SND1: variants seen among roughly 807,000 people sequenced by gnomAD.
The protein encoded by SND1 is staphylococcal nuclease and tudor domain containing 1, also known as staphylococcal nuclease domain-containing protein 1.
A neutral mutation model predicts 121.7 loss-of-function variants in SND1; 38 were observed. The ratio of observed to expected loss-of-function variants is 0.31; its 90% CI spans 0.24 to 0.41. The LOEUF is 0.41. Ranked by LOEUF, SND1 falls within the 10% of genes least tolerant of loss-of-function variation. The pLI, the probability that SND1 is intolerant of heterozygous loss-of-function variation, is 1.00. For synonymous variants in SND1, 401 were observed against 447.4 expected (o/e 0.90, Z 1.31); for missense variants, 868 against 1,184.6 (o/e 0.73, Z 3.92).
rs967960372 is a variant in SND1, at chr7:128,078,177, T to A, written c.1969-3183T>A. On this transcript the variant is annotated intron_variant, in intron 17 of 23. Transcript: ENST00000354725. The stretch of plus-strand genomic sequence containing the variant: ...ATGGGGACAAGGGCAACCACGCCTG[T>A]CCCAGCTGACTGACTCCTTCCCACC... Among the ~76,000 whole-genome samples the A allele has an allele frequency of 5.9e-5, 9 of 152,286 alleles. No homozygotes were observed. In the East Asian group the frequency reaches 9.7e-4, roughly 16 times the overall value.
chr7:127,949,082 A>T (rs1233652904), intron 15 of SND1: 1 of 152,254 alleles, frequency 6.6e-6, no homozygotes, highest in Admixed American at 6.5e-5. Context: ...AACAGTTGCT[A>T]TGAGAACCTT....
chr7:128,059,394 T>A (rs1793195458), intron 16 of SND1, among the ~76,000 whole-genome samples: 1 of 152,222 alleles, frequency 6.6e-6, no homozygotes, highest in African/African-American at 2.4e-5. Context: ...CTCTCTCCTT[T>A]TAGACCTACT....
intron 5 of SND1, 67 bp from the exon 6 acceptor site, chr7:127,702,368 G>A: frequency 2.1e-6 from 3 of 1,434,428 alleles, no homozygotes; most frequent in Non-Finnish European, 3.0e-6. Context: ...AGTGCAGTTT[G>A]ATTGGGCAGT....
chr7:127,805,119 A>AT (rs1486910143), intron 10 of SND1, among the ~76,000 whole-genome samples: 9 of 152,178 alleles, frequency 5.9e-5, no homozygotes, highest in African/African-American at 1.9e-4. Context: ...TTTGTAATCT[A>AT]TTTTTATAAA....
chr7:127,854,101 A>C (rs1175307667), intron 12 of SND1, among the ~76,000 whole-genome samples: 4 of 152,094 alleles, frequency 2.6e-5, no homozygotes, highest in African/African-American at 9.7e-5. Flanking sequence ...TTCTAGCATC[A>C]TTAGGGCTTT....
chr7:127,751,835 G>A (rs914654798), intron 10 of SND1, among the ~76,000 whole-genome samples: 2 of 152,176 alleles, frequency 1.3e-5, no homozygotes, highest in Non-Finnish European at 2.9e-5. Context: ...TGGGCAATTG[G>A]CTGTCCAAAT....
chr7:127,907,307 A>G (rs983915709), intron 14 of SND1, among the ~76,000 whole-genome samples: 2 of 152,088 alleles, frequency 1.3e-5, no homozygotes, highest in Non-Finnish European at 1.5e-5. Flanking sequence ...AGTGAGATGT[A>G]TGGGTTTTCT....
chr7:127,945,380 A>G (rs111671012), intron 15 of SND1, among the ~76,000 whole-genome samples: 218 of 152,204 alleles, frequency 1.4e-3, no homozygotes, highest in African/African-American at 4.6e-3. Context: ...AGTCCCAGCT[A>G]CTTGGTAGGC....
chr7:127,821,415 T>C (rs770418784), intron 11 of SND1, among the ~76,000 whole-genome samples: 7 of 152,126 alleles, frequency 4.6e-5, no homozygotes, highest in East Asian at 1.9e-4. Flanking sequence ...TAATTCACCT[T>C]TGGATTGGAT....
intron 12 of SND1, among the ~76,000 whole-genome samples, chr7:127,864,111 C>A (rs1799426652): frequency 6.6e-6 from 1 of 151,676 alleles, no homozygotes; most frequent in African/African-American, 2.4e-5. Flanking sequence ...TAAATAAATA[C>A]TTTATTTGAT....
rs534300267 is a variant in SND1 at position 128,025,337 on chromosome 7, C to T, written c.1779+34281C>T. On this transcript the variant is annotated intron_variant, in intron 16 of 23. Transcript: ENST00000354725. ...GTCAAAAGACCTGGGCTTTTAGTCC[C>T]ACCTCCTCCACTAGCAGTGTGACCT... 1.1e-4 allele frequency among the ~76,000 whole-genome samples: 16 copies of T among 152,290 alleles called. No homozygotes were observed. The East Asian group carries it at 2.9e-3, about 28-fold the overall frequency.
At chr7:127,890,659 G>A (rs960517670) in intron 13 of SND1, among the ~76,000 whole-genome samples, 1 of 152,128 alleles carries the variant, frequency 6.6e-6, no homozygotes, top group Non-Finnish European at 1.5e-5. Flanking sequence ...TGGAAAGTGA[G>A]GCCAGAATAA....
chr7:127,892,718 C>G lies in SND1; in HGVS notation c.1454+4706C>G, dbSNP rs79734956. Among the ~76,000 whole-genome samples the G allele has an allele frequency of 7.2e-5, 11 of 152,194 alleles. No homozygotes were observed. The East Asian group carries it at 2.1e-3, about 30-fold the overall frequency. ...ATATACTCTCAGGCCTTCTTTATCT[C>G]ATAGACTTCGTTGAAAAGCCCTTGA... On this transcript the variant is annotated intron_variant, in intron 13 of 23. Transcript: ENST00000354725.
chr7:127,793,130 G>A (rs141448109), intron 10 of SND1, among the ~76,000 whole-genome samples: 267 of 152,342 alleles, frequency 1.8e-3, no homozygotes, highest in African/African-American at 6.1e-3. Flanking sequence ...CACGCATTAT[G>A]TGTTGAAATT....
chr7:127,979,581 A>G (rs898121077), intron 15 of SND1, among the ~76,000 whole-genome samples: 1 of 152,212 alleles, frequency 6.6e-6, no homozygotes, highest in Non-Finnish European at 1.5e-5. Flanking sequence ...AGATCAGAGC[A>G]GGTGATAGAG....
chr7:127,659,250 T>C (rs1795267759), intron 1 of SND1, among the ~76,000 whole-genome samples: 1 of 152,216 alleles, frequency 6.6e-6, no homozygotes, highest in African/African-American at 2.4e-5. Flanking sequence ...TCGATATAGA[T>C]GGAATGTTAC....
intron 12 of SND1, among the ~76,000 whole-genome samples, chr7:127,862,878 G>A (rs559857112): frequency 6.6e-5 from 10 of 152,264 alleles, no homozygotes; most frequent in African/African-American, 1.4e-4. Context: ...TGACAGCTTC[G>A]TCTCCTAGAT....
At chr7:127,969,452 G>A (rs1034471191) in intron 15 of SND1, among the ~76,000 whole-genome samples, 1 of 152,316 alleles carries the variant, frequency 6.6e-6, no homozygotes, top group South Asian at 2.1e-4. Context: ...TAGGCTGGGC[G>A]CAGTGACTCA....
chr7:127,838,267 A>C (rs1391557368), intron 11 of SND1, among the ~76,000 whole-genome samples: 1 of 152,216 alleles, frequency 6.6e-6, no homozygotes, highest in African/African-American at 2.4e-5. Flanking sequence ...AGAATGAGGA[A>C]GTTAAACTTT....
Sources: gnomAD v4.1 joint callset for allele counts (sites outside exome capture counted in the v4.1 genomes callset) on GRCh38, gnomAD v4.1.1 for gene constraint, MANE v1.5 for transcripts, NCBI Gene and HGNC (gene_info 2026-07-23, HGNC 2026-07-21) for gene names.